The following DSCAM variants were observed in gnomAD, a reference collection of about 807,000 sequenced individuals.
DSCAM encodes the protein DS cell adhesion molecule.
DSCAM carries 47 observed loss-of-function variants against 217.7 expected under a neutral mutation model. That is an observed-to-expected ratio of 0.22 (90% CI 0.17 to 0.28). DSCAM has a LOEUF of 0.28. Among genes scored for constraint, DSCAM ranks in the 10% least tolerant of loss-of-function variants. DSCAM has a pLI of 1.00. For missense variants in DSCAM, 2,080 were observed against 2,618.3 expected (o/e 0.79, Z 4.49); for synonymous variants, 1,056 against 1,015.3 (o/e 1.04, Z -0.76).
intron 19 of DSCAM, among the ~76,000 whole-genome samples, chr21:40,129,432 C>T (rs1456195887): frequency 3.9e-5 from 6 of 152,182 alleles, no homozygotes; most frequent in Admixed American, 3.9e-4. Flanking sequence ...AAACCCAGCA[C>T]ATAACACAAG....
intron 20 of DSCAM, among the ~76,000 whole-genome samples, chr21:40,113,545 T>C (rs2089927688): frequency 6.6e-6 from 1 of 152,140 alleles, no homozygotes; most frequent in African/African-American, 2.4e-5. Flanking sequence ...CAACATAGTG[T>C]TGGAAGTTCT....
intron 15 of DSCAM, among the ~76,000 whole-genome samples, chr21:40,172,670 C>G (rs2090672064): frequency 6.6e-6 from 1 of 152,264 alleles, no homozygotes; most frequent in Non-Finnish European, 1.5e-5. Context: ...GGGGCCTCAT[C>G]ATTAATTGAT....
At chr21:40,228,647 T>C (rs1411972377) in intron 11 of DSCAM, among the ~76,000 whole-genome samples, 1 of 151,428 alleles carries the variant, frequency 6.6e-6, no homozygotes, top group East Asian at 1.9e-4. Context: ...TCTTTTCTTT[T>C]TTTTTTTTTT....
intron 3 of DSCAM, chr21:40,383,594 C>T (rs573124854): frequency 6.6e-6 from 1 of 152,298 alleles, no homozygotes; most frequent in South Asian, 2.1e-4. Flanking sequence ...AGTAAGTTAT[C>T]TTCACTATTG....
chr21:40,088,052 G>A (rs553545486), intron 21 of DSCAM, among the ~76,000 whole-genome samples: 3 of 152,198 alleles, frequency 2.0e-5, no homozygotes, highest in Non-Finnish European at 4.4e-5. Context: ...TCTTCCAGAG[G>A]AAAACAATCT....
intron 10 of DSCAM, among the ~76,000 whole-genome samples, chr21:40,282,861 G>A (rs1053809227): frequency 1.3e-5 from 2 of 152,098 alleles, no homozygotes; most frequent in Admixed American, 1.3e-4. Context: ...AGCAGAAAAG[G>A]ATGATCTGTT....
At chr21:40,715,787 A>C (rs1448824598) in intron 1 of DSCAM, among the ~76,000 whole-genome samples, 2 of 152,158 alleles carry the variant, frequency 1.3e-5, no homozygotes, top group African/African-American at 4.8e-5. Flanking sequence ...AATTAATTCC[A>C]CCAGGATTCT....
intron 3 of DSCAM, among the ~76,000 whole-genome samples, chr21:40,510,589 T>A (rs1662999207): frequency 6.6e-6 from 1 of 152,000 alleles, no homozygotes; most frequent in South Asian, 2.1e-4. Flanking sequence ...CAGCTAGGAG[T>A]TGGAAGGCCT....
At position 40,467,407 on chromosome 21, in the gene DSCAM, A is replaced by G. The variant is rs73902641; in HGVS notation, c.509-98162T>C. On this transcript the variant is annotated intron_variant, in intron 3 of 32. Coordinates refer to ENST00000400454, the MANE Select transcript of DSCAM (RefSeq NM_001389.5). ...TAAATGTTTTATGACTTACTTGTCTATATCTGCAGAAGTTTTCAAATGACT... is the reference window on the plus strand; with the variant it reads ...TAAATGTTTTATGACTTACTTGTCTGTATCTGCAGAAGTTTTCAAATGACT... Among the ~76,000 whole-genome samples the G allele has an allele frequency of 1.3e-3, 193 of 152,344 alleles. 1 individual carries two copies. Among genetic ancestry groups the G allele is most frequent in the African/African-American group, 4.3e-3 (177 of 41,578 alleles).
At chr21:40,816,337 T>G (rs2091881734) in intron 1 of DSCAM, among the ~76,000 whole-genome samples, 1 of 152,080 alleles carries the variant, frequency 6.6e-6, no homozygotes, top group Non-Finnish European at 1.5e-5. Context: ...GGGGGTGACC[T>G]TGGGAGGCCA....
chr21:40,823,331 G>A (rs2091944726), intron 1 of DSCAM, among the ~76,000 whole-genome samples: 1 of 151,878 alleles, frequency 6.6e-6, no homozygotes, highest in Admixed American at 6.6e-5. Context: ...AAAAAGTGAG[G>A]CTGCAGATGT....
At chr21:40,394,638 CA>C (rs1443854830) in intron 3 of DSCAM, among the ~76,000 whole-genome samples, 1 of 152,186 alleles carries the variant, frequency 6.6e-6, no homozygotes, top group African/African-American at 2.4e-5. Context: ...ACAAACCCTG[CA>C]CAGAAGTATT....
intron 20 of DSCAM, among the ~76,000 whole-genome samples, chr21:40,119,908 T>A (rs760514949): frequency 6.6e-6 from 1 of 152,032 alleles, no homozygotes; most frequent in Non-Finnish European, 1.5e-5. Context: ...TATACCACTT[T>A]TCCACTCCTT....
chr21:40,403,687 G>A (rs2075258128), intron 3 of DSCAM, among the ~76,000 whole-genome samples: 1 of 150,668 alleles, frequency 6.6e-6, no homozygotes, highest in African/African-American at 2.5e-5. Context: ...TCTCTCTGTA[G>A]AGCCATAAAT....
chr21:40,303,485 T>C (rs2123467780), intron 9 of DSCAM, among the ~76,000 whole-genome samples: 1 of 152,216 alleles, frequency 6.6e-6, no homozygotes, highest in Non-Finnish European at 1.5e-5. Flanking sequence ...TCCCCATCTT[T>C]CTCAATCCAC....
intron 2 of DSCAM, among the ~76,000 whole-genome samples, chr21:40,702,523 T>C (rs1166682044): frequency 6.6e-6 from 1 of 152,200 alleles, no homozygotes; most frequent in Non-Finnish European, 1.5e-5. Context: ...TTAAGCTATT[T>C]GTGCCTTTGT....
chr21:40,425,840 T>C lies in DSCAM; in HGVS notation c.509-56595A>G, dbSNP rs544376846. ...ACACACACACATGCATGTGTATCCA[T>C]AAACATATATAAACATACACATGTT... On this transcript the variant is annotated intron_variant, in intron 3 of 32. Transcript: ENST00000400454. Among the ~76,000 whole-genome samples the C allele has an allele frequency of 2.5e-3, 379 of 152,274 alleles. 2 individuals are homozygous for C. The highest frequency in any genetic ancestry group is 8.7e-3 in the African/African-American group (361 of 41,552).
chr21:40,450,798 G>A (rs1364504075), intron 3 of DSCAM, among the ~76,000 whole-genome samples: 1 of 152,194 alleles, frequency 6.6e-6, no homozygotes, highest in African/African-American at 2.4e-5. Context: ...TCTCTGAAAA[G>A]AAATGTATAG....
intron 18 of DSCAM, among the ~76,000 whole-genome samples, chr21:40,138,125 C>T (rs911558050): frequency 3.3e-5 from 5 of 152,150 alleles, no homozygotes; most frequent in Admixed American, 6.5e-5. Context: ...AGTTTTATTT[C>T]ATCTGACCAC....
Sources: gnomAD v4.1 joint callset for allele counts (sites outside exome capture counted in the v4.1 genomes callset) on GRCh38, gnomAD v4.1.1 for gene constraint, MANE v1.5 for transcripts, NCBI Gene and HGNC (gene_info 2026-07-23, HGNC 2026-07-21) for gene names.